The following XRRA1 variants were observed in gnomAD, a reference collection of about 807,000 sequenced individuals.
The protein encoded by XRRA1 is X-ray radiation resistance associated 1, also known as X-ray radiation resistance-associated protein 1.
A neutral mutation model predicts 80.2 loss-of-function variants in XRRA1; 69 were observed. The observed-to-expected ratio is 0.86, with a 90% CI of 0.71 to 1.05. XRRA1 has a LOEUF of 1.05. XRRA1 is among the 50% of genes least tolerant of loss of function. XRRA1 has a pLI of 0.00. For missense variants in XRRA1, 967 were observed against 976.4 expected, an observed-to-expected ratio of 0.99 and a Z score of 0.13; for synonymous variants, 348 against 389.9, an observed-to-expected ratio of 0.89 and a Z score of 1.27.
chr11:74,910,893 C>T (rs1258379826), intron 8 of XRRA1: 1 of 152,274 alleles, frequency 6.6e-6, no homozygotes, highest in Non-Finnish European at 1.5e-5. Context: ...TGGGCTAATG[C>T]TCAGGTTCTA....
At chr11:74,946,031 C>T (rs891270048) in intron 1 of XRRA1, among the ~76,000 whole-genome samples, 3 of 152,038 alleles carry the variant, frequency 2.0e-5, no homozygotes, top group African/African-American at 4.8e-5. Flanking sequence ...GGCATGATCT[C>T]AGCTCACTGC....
chr11:74,850,826 C>T (rs2039627318), intron 14 of XRRA1: 1 of 212,374 alleles, frequency 4.7e-6, no homozygotes, highest in Non-Finnish European at 9.5e-6. Flanking sequence ...TGAGCCACCA[C>T]GCCTGGCCCA....
At chr11:74,922,129 C>T (rs573307190) in intron 7 of XRRA1, among the ~76,000 whole-genome samples, 22 of 151,782 alleles carry the variant, frequency 1.4e-4, no homozygotes, top group Non-Finnish European at 2.1e-4. Context: ...TGGTGGCACA[C>T]GCCTGTAGTG....
At chr11:74,890,374 CCAG>C (rs2050313119) in intron 10 of XRRA1, among the ~76,000 whole-genome samples, 1 of 152,132 alleles carries the variant, frequency 6.6e-6, no homozygotes, top group Non-Finnish European at 1.5e-5. Context: ...ACACAACATA[CCAG>C]AATCCCTGGG....
At chr11:74,861,679 A>C (rs970683087) in intron 11 of XRRA1, among the ~76,000 whole-genome samples, 3 of 152,244 alleles carry the variant, frequency 2.0e-5, no homozygotes, top group Admixed American at 6.5e-5. Context: ...ACCCCAGTCC[A>C]TGGAAAAATT....
chr11:74,843,361 A>G lies in XRRA1; in HGVS notation c.2242T>C (p.Tyr748His), dbSNP rs747126037. 1.9e-6 allele frequency: 3 copies of G among 1,611,892 alleles called. No homozygotes were observed. The highest frequency in any genetic ancestry group is 2.5e-6 in the Non-Finnish European group (3 of 1,179,054). Residue 748 changes from tyrosine to histidine, a missense_variant, in exon 19 of 19, where the codon TAC becomes CAC. Coordinates refer to ENST00000684022, the MANE Select transcript of XRRA1 (RefSeq NM_001378157.1). ...AGAGAGCCACTCACCAGCTGCCGGT[A>G]ACGTGCCTGGAACTCCTTCAACAGC... ...KRLLKEFQAR[Y>H]RQLVSGSLRT...
In XRRA1 at chr11:74,863,393, T is replaced by G. The variant is rs186571215; in HGVS notation, c.1004-372A>C. 2.0e-4 allele frequency: 51 copies of G among 252,926 alleles called. No homozygotes were observed. The East Asian group carries it at 2.5e-3, about 12-fold the overall frequency. 15.7% of individuals were successfully genotyped at this position (252,926 alleles called of 1,614,324 possible). On this transcript the variant is annotated intron_variant, in intron 10 of 18. Transcript: ENST00000684022. The stretch of plus-strand genomic sequence containing the variant: ...AAGCACTTTCGAGCCTCAGAATTAC[T>G]GGGGAGTCCATACTGAGCAGAAAGC...
chr11:74,904,402 T>A (rs1383393735), intron 10 of XRRA1, among the ~76,000 whole-genome samples: 1 of 151,800 alleles, frequency 6.6e-6, no homozygotes, highest in Non-Finnish European at 1.5e-5. Flanking sequence ...AACAATACAG[T>A]TTGAGCACGA....
chr11:74,936,152 C>T (rs763065149), intron 4 of XRRA1, among the ~76,000 whole-genome samples: 6 of 152,204 alleles, frequency 3.9e-5, no homozygotes, highest in African/African-American at 9.6e-5. Flanking sequence ...TATGAGAACT[C>T]GACTGCACAT....
chr11:74,924,398 C>T (rs1174629997), intron 7 of XRRA1, among the ~76,000 whole-genome samples: 2 of 149,900 alleles, frequency 1.3e-5, no homozygotes, highest in East Asian at 2.0e-4. Flanking sequence ...GGCGTGAACC[C>T]GGGAGGCGGA....
At chr11:74,881,492 T>C (rs1327079706) in intron 10 of XRRA1, among the ~76,000 whole-genome samples, 43 of 149,890 alleles carry the variant, frequency 2.9e-4, no homozygotes, top group Non-Finnish European at 5.9e-4. Context: ...ATGTGTGAAT[T>C]TGATCCTGTC....
At chr11:74,869,121 T>A (rs182811935) in intron 10 of XRRA1, among the ~76,000 whole-genome samples, 12 of 151,236 alleles carry the variant, frequency 7.9e-5, no homozygotes, top group Admixed American at 3.3e-4. Flanking sequence ...CAGTACAATT[T>A]TAAAAAAAAA....
intron 10 of XRRA1, among the ~76,000 whole-genome samples, chr11:74,895,883 A>C (rs954664812): frequency 6.6e-6 from 1 of 152,158 alleles, no homozygotes; most frequent in Non-Finnish European, 1.5e-5. Context: ...GCCCTTGATA[A>C]CCCTAGCTCC....
At chr11:74,895,472 G>A (rs1029284608) in intron 10 of XRRA1, among the ~76,000 whole-genome samples, 3 of 152,208 alleles carry the variant, frequency 2.0e-5, no homozygotes, top group African/African-American at 7.2e-5. Flanking sequence ...TGGAGTTCTA[G>A]ATAAACTTGA....
intron 14 of XRRA1, among the ~76,000 whole-genome samples, chr11:74,848,933 GGAAGAT>G (rs2039050091): frequency 6.6e-6 from 1 of 152,184 alleles, no homozygotes; most frequent in African/African-American, 2.4e-5. Flanking sequence ...TGTATTTTCT[GGAAGAT>G]GACAGCACCA....
chr11:74,902,870 A>G (rs1171093762), intron 10 of XRRA1, among the ~76,000 whole-genome samples: 5 of 152,220 alleles, frequency 3.3e-5, no homozygotes, highest in African/African-American at 1.2e-4. Flanking sequence ...CAGGGGGACT[A>G]TAGTCAATAA....
intron 10 of XRRA1, among the ~76,000 whole-genome samples, chr11:74,893,647 A>C (rs2051422395): frequency 6.6e-6 from 1 of 152,312 alleles, no homozygotes; most frequent in African/African-American, 2.4e-5. Context: ...AATGCTCAAC[A>C]TCACTAATCA....
At chr11:74,891,401 T>A (rs1048631205) in intron 10 of XRRA1, among the ~76,000 whole-genome samples, 1 of 152,154 alleles carries the variant, frequency 6.6e-6, no homozygotes, top group Non-Finnish European at 1.5e-5. Context: ...ATTGGACATA[T>A]CTGAAAATAG....
chr11:74,896,193 A>C (rs1591175568), intron 10 of XRRA1, among the ~76,000 whole-genome samples: 1 of 152,266 alleles, frequency 6.6e-6, no homozygotes, highest in African/African-American at 2.4e-5. Flanking sequence ...TGGCTCGGCC[A>C]CAGTAAGGTA....
Sources: allele counts gnomAD v4.1 joint callset (sites outside exome capture counted in the v4.1 genomes callset), GRCh38; gene constraint gnomAD v4.1.1; transcripts MANE v1.5; gene names NCBI Gene and HGNC (gene_info 2026-07-23, HGNC 2026-07-21).